The following MCF2L2 variants were observed in gnomAD, a reference collection of about 807,000 sequenced individuals.
MCF2L2 encodes probable guanine nucleotide exchange factor MCF2L2.
MCF2L2 carries 102 observed loss-of-function variants against 150.2 expected under a neutral mutation model. The observed-to-expected ratio is 0.68, with a 90% CI of 0.58 to 0.80. The LOEUF (loss-of-function observed/expected upper bound fraction) is 0.80. MCF2L2 is among the 30% of genes least tolerant of loss of function. The pLI is 0.00. For synonymous variants in MCF2L2, 465 were observed against 491.3 expected (o/e 0.95, Z 0.71); for missense variants, 1,256 against 1,372.8 (o/e 0.91, Z 1.34).
At chr3:183,361,102 CAAGAAAAGAAAAAAGAAA>C (rs1220207331) in intron 3 of MCF2L2, among the ~76,000 whole-genome samples, 1 of 97,366 alleles carries the variant, frequency 1.0e-5, no homozygotes, top group East Asian at 3.5e-4. Context: ...CAAGACAAGA[CAAGAAAAGAAAAAAGAAA>C]AAGAAAAGAA....
intron 2 of MCF2L2, among the ~76,000 whole-genome samples, chr3:183,382,585 C>CACCT (rs1045936121): frequency 6.6e-6 from 1 of 152,104 alleles, no homozygotes; most frequent in African/African-American, 2.4e-5. Context: ...CATCTAGTGC[C>CACCT]ACCTTCTGAG....
At chr3:183,257,509 C>T (rs1192421125) in intron 15 of MCF2L2, among the ~76,000 whole-genome samples, 1 of 152,176 alleles carries the variant, frequency 6.6e-6, no homozygotes, top group Non-Finnish European at 1.5e-5. Flanking sequence ...GGGCTGCCCG[C>T]TGTAATGCCT....
chr3:183,325,405 T>C (rs2108523452), intron 5 of MCF2L2, among the ~76,000 whole-genome samples: 1 of 152,302 alleles, frequency 6.6e-6, no homozygotes, highest in East Asian at 1.9e-4. Context: ...CCCCATGTCT[T>C]GCTCCTCCAC....
At chr3:183,365,648 T>TA (rs11388203) in intron 3 of MCF2L2, among the ~76,000 whole-genome samples, 26,168 of 152,012 alleles carry the variant, frequency 0.17, 3,260 homozygotes, top group African/African-American at 0.35. Flanking sequence ...ATAGAAAGCA[T>TA]ACTACATTAC....
chr3:183,391,893 TTC>T lies in MCF2L2; in HGVS notation c.77-2116_77-2115del, dbSNP rs371265785. Among the ~76,000 whole-genome samples the T allele has an allele frequency of 6.4e-3, 906 of 141,806 alleles. 19 individuals carry two copies. Among genetic ancestry groups the T allele is most frequent in the African/African-American group, 0.027 (870 of 32,600 alleles). The allele number at this position is 141,806 out of a possible 152,430, so 93.0% of individuals were successfully genotyped here. On this transcript the variant is annotated intron_variant, in intron 1 of 29. Coordinates refer to ENST00000328913, the MANE Select transcript of MCF2L2 (RefSeq NM_015078.4). ...GTTCATACCTGAGCATTTTTTTGAT[TTC>T]TCTTTTTTAAGATATAGGATCTTGC...
chr3:183,282,922 G>C (rs1260702675), intron 14 of MCF2L2, among the ~76,000 whole-genome samples: 1 of 152,168 alleles, frequency 6.6e-6, no homozygotes, highest in Non-Finnish European at 1.5e-5. Flanking sequence ...AACTGACAGA[G>C]GGTATAGGTG....
chr3:183,179,774 G>T lies in MCF2L2; in HGVS notation c.3106-82C>A. On this transcript the variant is annotated intron_variant, in intron 28 of 29. Coordinates refer to ENST00000328913, the MANE Select transcript of MCF2L2 (RefSeq NM_015078.4). This position sits in a 1 kb window ranked among gnomAD's most constrained non-coding sequence, Gnocchi z 4.2. The stretch of plus-strand genomic sequence containing the variant: ...CCGGGCAAGGTGGTGACTCCCGCTG[G>T]CAGGCTGAGGCCCACCCCAGCCCTC... The T allele has an allele frequency of 8.1e-7, 1 of 1,236,518 alleles. No homozygotes were observed. The highest frequency in any genetic ancestry group is 1.5e-5 in the African/African-American group (1 of 67,350). 76.6% of individuals were successfully genotyped at this position (1,236,518 alleles called of 1,614,324 possible).
intron 18 of MCF2L2, 156 bp downstream of exon 18, chr3:183,228,141 C>G: frequency 1.7e-6 from 1 of 595,930 alleles, no homozygotes; most frequent in East Asian, 2.8e-5. Flanking sequence ...TGAATATATG[C>G]AATTTTTATT....
chr3:183,335,897 GGAGT>G (rs1730460038), intron 5 of MCF2L2, among the ~76,000 whole-genome samples: 1 of 152,060 alleles, frequency 6.6e-6, no homozygotes, highest in South Asian at 2.1e-4. Flanking sequence ...AGGGCTTGAG[GGAGT>G]GAGTTTGCTT....
At position 183,195,203 on chromosome 3, in the gene MCF2L2, T is replaced by C. The variant is rs757261320; in HGVS notation, c.2918+19A>G. The C allele has an allele frequency of 1.5e-5, 23 of 1,585,872 alleles. No homozygotes were observed. In the Admixed American group the frequency reaches 4.1e-4, roughly 28 times the overall value. On this transcript the variant is annotated intron_variant, in intron 26 of 29. Coordinates refer to ENST00000328913, the MANE Select transcript of MCF2L2 (RefSeq NM_015078.4). ...CAAAGCATTTGACATGCCTTTAAAA[T>C]AAAAAAATCAGTACTCACCTCGTGC...
intron 21 of MCF2L2, among the ~76,000 whole-genome samples, chr3:183,218,811 TGTAG>T (rs932602286): frequency 2.6e-5 from 4 of 152,026 alleles, no homozygotes; most frequent in Non-Finnish European, 5.9e-5. Context: ...AACTGTATAA[TGTAG>T]GGTTCAGAAA....
intron 5 of MCF2L2, among the ~76,000 whole-genome samples, chr3:183,336,865 AT>A (rs752407907): frequency 0.15 from 17,451 of 118,100 alleles, 1,149 homozygotes; most frequent in African/African-American, 0.22. Context: ...CAAAAAAAAA[AT>A]ATATATATAT....
intron 19 of MCF2L2, 88 bp downstream of exon 19, chr3:183,224,010 T>C: frequency 1.1e-6 from 1 of 935,152 alleles, no homozygotes; most frequent in South Asian, 1.3e-5. Context: ...CAATGCCAAG[T>C]TCCTCTCCCT....
At chr3:183,247,050 T>C (rs1162993839) in intron 15 of MCF2L2, among the ~76,000 whole-genome samples, 5 of 152,344 alleles carry the variant, frequency 3.3e-5, no homozygotes, top group South Asian at 2.1e-4. Context: ...TAAGTGTTAA[T>C]TGAATGGATG....
intron 3 of MCF2L2, among the ~76,000 whole-genome samples, chr3:183,342,299 G>C (rs1378215028): frequency 6.6e-6 from 1 of 152,162 alleles, no homozygotes; most frequent in Non-Finnish European, 1.5e-5. Context: ...ACAGAGGAAA[G>C]AGCAAGGTCT....
chr3:183,262,754 T>C (rs1304985343), intron 15 of MCF2L2, among the ~76,000 whole-genome samples: 1 of 151,768 alleles, frequency 6.6e-6, no homozygotes, highest in Non-Finnish European at 1.5e-5. Flanking sequence ...AGATTTAGCA[T>C]GGCCGCTGAA....
intron 15 of MCF2L2, among the ~76,000 whole-genome samples, chr3:183,246,710 G>C (rs978557826): frequency 6.6e-6 from 1 of 152,140 alleles, no homozygotes; most frequent in Non-Finnish European, 1.5e-5. Flanking sequence ...CTAGAAGTGG[G>C]ATTGCTGGAT....
At chr3:183,346,597 A>G (rs1004460216) in intron 3 of MCF2L2, among the ~76,000 whole-genome samples, 2 of 152,204 alleles carry the variant, frequency 1.3e-5, no homozygotes, top group Non-Finnish European at 2.9e-5. Context: ...AGGGTATTCA[A>G]ATCGGAAGAG....
intron 3 of MCF2L2, among the ~76,000 whole-genome samples, chr3:183,348,439 A>G (rs1198844521): frequency 2.0e-5 from 3 of 151,822 alleles, no homozygotes; most frequent in Non-Finnish European, 4.4e-5. Flanking sequence ...GAGGGGAGGG[A>G]GAGAATTAGG....
Sources: allele counts gnomAD v4.1 joint callset (sites outside exome capture counted in the v4.1 genomes callset), GRCh38; gene constraint gnomAD v4.1.1; non-coding constraint Gnocchi (gnomAD v3.1); transcripts MANE v1.5; gene names NCBI Gene and HGNC (gene_info 2026-07-23, HGNC 2026-07-21).